The following TLE1 variants were observed in gnomAD, a reference collection of about 807,000 sequenced individuals.
The protein encoded by TLE1 is transducin-like enhancer protein 1.
Under a neutral mutation model 89.8 loss-of-function variants are expected in TLE1, and 21 were observed. The ratio of observed to expected loss-of-function variants is 0.23; its 90% CI spans 0.17 to 0.34. The LOEUF (loss-of-function observed/expected upper bound fraction) is 0.34, where lower values mean the gene tolerates loss of function less well. Among genes scored for constraint, TLE1 ranks in the 10% least tolerant of loss-of-function variants. The pLI, the probability that TLE1 is intolerant of heterozygous loss-of-function variation, is 1.00. For missense variants in TLE1, 795 were observed against 1,031.2 expected (o/e 0.77, Z 3.14); for synonymous variants, 447 against 407.6 (o/e 1.10, Z -1.16).
chr9:81,625,911 T>TAAAAAAAAAAA (rs35467275), intron 8 of TLE1, among the ~76,000 whole-genome samples: 23 of 87,832 alleles, frequency 2.6e-4, no homozygotes, highest in African/African-American at 4.8e-4. Flanking sequence ...CAGAAACTAC[T>TAAAAAAAAAAA]AAAAAAAAAA....
chr9:81,675,379 G>C (rs1005451838), intron 4 of TLE1, among the ~76,000 whole-genome samples: 1 of 152,168 alleles, frequency 6.6e-6, no homozygotes, highest in Non-Finnish European at 1.5e-5. Flanking sequence ...CTGGTGACAA[G>C]TCAAGTTTAA....
chr9:81,616,720 C>T (rs370372756), intron 9 of TLE1, 21 bp from the exon 10 acceptor site: 16 of 1,613,756 alleles, frequency 9.9e-6, no homozygotes, highest in African/African-American at 9.3e-5. Flanking sequence ...GAAACATTAA[C>T]GCCATTTACT....
intron 8 of TLE1, among the ~76,000 whole-genome samples, chr9:81,627,724 T>C (rs1306792391): frequency 6.6e-6 from 1 of 152,186 alleles, no homozygotes; most frequent in Admixed American, 6.5e-5. Context: ...CATGATTAAT[T>C]CATAAATATT....
Position 81,584,090 on chromosome 9 carries a change from C to A in TLE1, c.*108G>T, listed in dbSNP as rs138753856. ...GTAGTTTTCTGTCAAGGTTTGGAAA[C>A]AGGTGTTTGTAATTTTTTTTCTCTT... On this transcript the variant is annotated 3_prime_UTR_variant, in exon 20 of 20. Transcript: ENST00000376499. 8.7e-4 allele frequency: 825 copies of A among 952,104 alleles called. 1 individual carries two copies. In the African/African-American group the frequency reaches 0.011, roughly 13 times the overall value. 59.0% of individuals were successfully genotyped at this position (952,104 alleles called of 1,614,324 possible). A position where few individuals can be genotyped will look rare whatever the true frequency, so the allele number is the denominator to read the frequency against.
intron 8 of TLE1, among the ~76,000 whole-genome samples, chr9:81,623,918 C>T (rs1196256075): frequency 6.6e-6 from 1 of 151,742 alleles, no homozygotes; most frequent in Non-Finnish European, 1.5e-5. Flanking sequence ...CGTTCCTCTT[C>T]CTCCTCCTGC....
intron 14 of TLE1, among the ~76,000 whole-genome samples, chr9:81,597,621 A>C (rs1573078): frequency 0.44 from 66,629 of 151,962 alleles, 15,043 homozygotes; most frequent in African/African-American, 0.49. Flanking sequence ...CAGAACTGAG[A>C]CCCAGCCCCC....
At chr9:81,615,607 G>T (rs1824387453) in intron 11 of TLE1, among the ~76,000 whole-genome samples, 2 of 150,812 alleles carry the variant, frequency 1.3e-5, no homozygotes, top group African/African-American at 4.9e-5. Context: ...CAGCTACTCA[G>T]GGGGCAGAGG....
chr9:81,592,960 C>T, intron 15 of TLE1, 65 bp downstream of exon 15: 1 of 1,560,256 alleles, frequency 6.4e-7, no homozygotes, highest in Non-Finnish European at 8.7e-7. Flanking sequence ...CAGGCCCACA[C>T]AGCTATTTCC....
At chr9:81,656,982 GCT>G (rs1830218868) in intron 4 of TLE1, among the ~76,000 whole-genome samples, 1 of 152,160 alleles carries the variant, frequency 6.6e-6, no homozygotes, top group African/African-American at 2.4e-5. Flanking sequence ...GAGGGTTCCT[GCT>G]CTCCCACCCA....
At chr9:81,590,057 C>T (rs1829255990) in intron 16 of TLE1, among the ~76,000 whole-genome samples, 1 of 152,246 alleles carries the variant, frequency 6.6e-6, no homozygotes, top group Non-Finnish European at 1.5e-5. Flanking sequence ...GCACCATCCG[C>T]AGGGACGGCT....
At chr9:81,616,208 T>C (rs1178050079) in intron 10 of TLE1, 74 bp from the exon 11 acceptor site, 12 of 1,529,488 alleles carry the variant, frequency 7.8e-6, no homozygotes, top group African/African-American at 1.4e-5. Flanking sequence ...ACACTCATTC[T>C]CTAAATTTAA....
intron 14 of TLE1, among the ~76,000 whole-genome samples, chr9:81,595,591 G>A (rs949693590): frequency 6.6e-6 from 1 of 152,096 alleles, no homozygotes; most frequent in Non-Finnish European, 1.5e-5. Context: ...GGCCAAGGCG[G>A]GCGGATCACG....
rs1417297923 is a variant in TLE1, at chr9:81,593,121, G to A, written c.1485C>T (p.Pro495=). 1.9e-6 allele frequency: 3 copies of A among 1,614,024 alleles called. No individual in the cohort carries two copies. Among genetic ancestry groups the A allele is most frequent in the Admixed American group, 3.3e-5 (2 of 59,994 alleles). ...TCCCGCCTGTGTACACGTGTCTCGT[G>A]GGGTTGCTGATGGTCACAGCGCACA... ...EVVCAVTISN[P]TRHVYTGGKG... is the part of the protein sequence containing the mutation. The change falls in exon 15 of 20, where the codon CCC becomes CCT. Residue 495 remains proline, a synonymous_variant. Transcript: ENST00000376499.
chr9:81,664,341 T>C (rs1371086886), intron 4 of TLE1, among the ~76,000 whole-genome samples: 1 of 151,968 alleles, frequency 6.6e-6, no homozygotes, highest in African/African-American at 2.4e-5. Context: ...AATCTTCCAA[T>C]ACTCTCTTTC....
At chr9:81,683,149 G>A (rs983349780) in intron 4 of TLE1, among the ~76,000 whole-genome samples, 2 of 152,012 alleles carry the variant, frequency 1.3e-5, no homozygotes, top group Non-Finnish European at 2.9e-5. Context: ...TGGGAAGGGA[G>A]AGCGGTCGTC....
chr9:81,608,749 C>A (rs1587943987), intron 14 of TLE1, among the ~76,000 whole-genome samples: 1 of 151,864 alleles, frequency 6.6e-6, no homozygotes, highest in Non-Finnish European at 1.5e-5. Flanking sequence ...CCAGCCTGAC[C>A]AATATGATGA....
intron 4 of TLE1, among the ~76,000 whole-genome samples, chr9:81,660,579 A>G (rs966022208): frequency 5.3e-5 from 8 of 149,680 alleles, no homozygotes; most frequent in African/African-American, 2.0e-4. Flanking sequence ...ACACCCGGCT[A>G]ATTTTTTTTT....
intron 6 of TLE1, among the ~76,000 whole-genome samples, chr9:81,638,413 A>G (rs1208810635): frequency 6.6e-6 from 1 of 152,186 alleles, no homozygotes; most frequent in Non-Finnish European, 1.5e-5. Flanking sequence ...TAGAAGAGTA[A>G]AACAGCTATC....
intron 16 of TLE1, 66 bp from the exon 17 acceptor site, chr9:81,587,894 G>T: frequency 6.7e-7 from 1 of 1,493,230 alleles, no homozygotes; most frequent in East Asian, 2.3e-5. Flanking sequence ...CTGTTGTGTT[G>T]TTAGTTTTGG....
Sources: gnomAD v4.1 joint callset for allele counts (sites outside exome capture counted in the v4.1 genomes callset) on GRCh38, gnomAD v4.1.1 for gene constraint, MANE v1.5 for transcripts, NCBI Gene and HGNC (gene_info 2026-07-23, HGNC 2026-07-21) for gene names.